The following DOK3 variants were observed in gnomAD, a reference collection of about 807,000 sequenced individuals.
DOK3 encodes docking protein 3.
A neutral mutation model predicts 26.2 loss-of-function variants in DOK3; 23 were observed. The observed-to-expected ratio is 0.88, with a 90% CI of 0.63 to 1.24. The LOEUF (loss-of-function observed/expected upper bound fraction) is 1.24, where lower values mean the gene tolerates loss of function less well. Among genes scored for constraint, DOK3 ranks in the 50% most tolerant of loss-of-function variants. DOK3 has a pLI of 0.00. For missense variants in DOK3, 619 were observed against 610.6 expected, an observed-to-expected ratio of 1.01 and a Z score of -0.15; for synonymous variants, 268 against 268.2, an observed-to-expected ratio of 1.00 and a Z score of 0.01.
At chr5:177,505,307 G>A (rs971328494) in intron 3 of DOK3, among the ~76,000 whole-genome samples, 197 bp from the exon 4 acceptor site, 40 of 152,176 alleles carry the variant, frequency 2.6e-4, no homozygotes, top group African/African-American at 9.4e-4. Context: ...TGAGAGTGCT[G>A]GGCTGGGCAA....
chr5:177,510,319 C>T (rs563848269), upstream of DOK3: 7 of 193,146 alleles, frequency 3.6e-5, no homozygotes, highest in South Asian at 9.6e-5. Flanking sequence ...CTTGACCACT[C>T]CACGCTGTCC....
At chr5:177,510,880 G>C (rs1382827457), upstream of DOK3, 1 of 141,520 alleles carries the variant, frequency 7.1e-6, no homozygotes, top group African/African-American at 2.7e-5. Context: ...AAAGTGCCTG[G>C]CTCAGAGGAA....
chr5:177,503,667 G>T lies in DOK3; in HGVS notation c.*316C>A. ...TGCAGTGGGTTTGAGCCCACGGGTG[G>T]CAGGTAAGGCCCAGGTCACCTGTGC... On this transcript the variant is annotated 3_prime_UTR_variant, in exon 6 of 6. Transcript: ENST00000510898. 1 of 1,372,158 alleles carries T rather than the reference G, an allele frequency of 7.3e-7. No individual in the cohort carries two copies. 85.0% of individuals were successfully genotyped at this position (1,372,158 alleles called of 1,614,324 possible).
chr5:177,509,780 T>A lies in DOK3; in HGVS notation c.-140A>T. 6.2e-7 allele frequency: 1 copy of A among 1,612,258 alleles called. No individual in the cohort carries two copies. The highest frequency in any genetic ancestry group is 1.3e-5 in the African/African-American group (1 of 75,008). ...TACCTGGAGGGAGCCCCCGGCCACC[T>A]GAAGGCAGCCTTCTCACGCACCTGG... On this transcript the variant is annotated 5_prime_UTR_variant, in exon 1 of 6. Coordinates refer to ENST00000510898, the MANE Select transcript of DOK3 (RefSeq NM_001308236.3).
rs2127420942 is a variant in DOK3 at position 177,503,705 on chromosome 5, C to T, written c.*278G>A. On this transcript the variant is annotated 3_prime_UTR_variant, in exon 6 of 6. Transcript: ENST00000510898. The stretch of plus-strand genomic sequence containing the variant: ...AGGTCACCTGTGCCCCTGGAACCGG[C>T]ACAGGGTGCTTGTGTTGGCCGCAAT... 2 of 1,405,172 alleles carry T rather than the reference C, an allele frequency of 1.4e-6. No individual in the cohort carries two copies. The highest frequency in any genetic ancestry group is 9.2e-7 in the Non-Finnish European group (1 of 1,084,212). 87.0% of individuals were successfully genotyped at this position (1,405,172 alleles called of 1,614,324 possible).
At chr5:177,509,854 A>G, upstream of DOK3, 2 of 1,610,530 alleles carry the variant, frequency 1.2e-6, no homozygotes, top group Non-Finnish European at 1.7e-6. Context: ...CCGAGTCATG[A>G]GTTCCCGCCC....
At position 177,508,543 on chromosome 5, in the gene DOK3, C is replaced by T. The variant is rs917673005; in HGVS notation, c.67-1G>A. On this transcript the variant is annotated splice_acceptor_variant, in intron 2 of 5. Transcript: ENST00000510898. LOFTEE classifies it high-confidence loss of function. ...GAGCCCACACCTTCCGCCAGCACTT[C>T]TGCGGGAGGGGAGCGGGAGGGTGAA... The T allele has an allele frequency of 2.0e-6, 3 of 1,535,624 alleles. No individual in the cohort carries two copies. The African/African-American group carries it at 4.1e-5, about 21-fold the overall frequency.
rs1044245624 is a variant in DOK3, at chr5:177,503,662, G to T, written c.*321C>A. On this transcript the variant is annotated 3_prime_UTR_variant, in exon 6 of 6. Coordinates refer to ENST00000510898, the MANE Select transcript of DOK3 (RefSeq NM_001308236.3). ...TCTGCTGCAGTGGGTTTGAGCCCAC[G>T]GGTGGCAGGTAAGGCCCAGGTCACC... 7.3e-7 allele frequency: 1 copy of T among 1,362,750 alleles called. No individual in the cohort carries two copies. Among genetic ancestry groups the T allele is most frequent in the Non-Finnish European group, 9.5e-7 (1 of 1,048,128 alleles). 84.4% of individuals were successfully genotyped at this position (1,362,750 alleles called of 1,614,324 possible). A position where few individuals can be genotyped will look rare whatever the true frequency, so the allele number is the denominator to read the frequency against.
rs1471026799 is a variant in DOK3, at chr5:177,504,840, AC to A, written c.547del (p.Val183CysfsTer9). 6.2e-7 allele frequency: 1 copy of A among 1,613,082 alleles called. No homozygotes were observed. Among genetic ancestry groups the A allele is most frequent in the Non-Finnish European group, 8.5e-7 (1 of 1,179,548 alleles). On this transcript the variant is annotated frameshift_variant, in exon 5 of 6. Transcript: ENST00000510898. LOFTEE classifies it high-confidence loss of function. Reference sequence around the variant, plus strand: ...CAGCTGGATGGCGTCTGGGCCCAGCACCAGCAGGGCCGGCCCCTTCAGCTGG... The same window carrying A: ...CAGCTGGATGGCGTCTGGGCCCAGCACAGCAGGGCCGGCCCCTTCAGCTGG... ...RCQLKGPALL[V>X]LGPDAIQLRE...
Position 177,508,608 on chromosome 5 carries a change from C to T in DOK3, c.67-66G>A. On this transcript the variant is annotated intron_variant, in intron 2 of 5. Coordinates refer to ENST00000510898, the MANE Select transcript of DOK3 (RefSeq NM_001308236.3). Reference sequence around the variant, plus strand: ...AGATTGTCCGTGCCACTTGGCTCAGCACAAGCTGCTCGGCAAACGCTCCCA... The same window carrying T: ...AGATTGTCCGTGCCACTTGGCTCAGTACAAGCTGCTCGGCAAACGCTCCCA... 4.2e-6 allele frequency: 6 copies of T among 1,429,590 alleles called. No individual in the cohort carries two copies. In the South Asian group the frequency reaches 5.8e-5, roughly 14 times the overall value. The allele number at this position is 1,429,590 out of a possible 1,614,324, so 88.6% of individuals were successfully genotyped here.
rs1322279038 is a variant in DOK3, at chr5:177,509,564, C to T, written c.-24G>A. On this transcript the variant is annotated 5_prime_UTR_variant, in exon 2 of 6. Transcript: ENST00000510898. ...ATGGTCACGGCCAGGAGCAGGGCCG[C>T]CGCTTCAAGACCTGGGGAGACTGAT... 1.2e-6 allele frequency: 2 copies of T among 1,609,776 alleles called. No homozygotes were observed. The highest frequency in any genetic ancestry group is 2.2e-5 in the South Asian group (2 of 90,506).
chr5:177,502,766 T>C lies in DOK3; in HGVS notation c.*1217A>G. On this transcript the variant is annotated 3_prime_UTR_variant, in exon 6 of 6. Transcript: ENST00000510898. ...ATTTCTCTGGCTGTGGGCAGCTGTGTGCAGGCACTGAGGAGGTCTGGGCTC... is the reference window on the plus strand; with the variant it reads ...ATTTCTCTGGCTGTGGGCAGCTGTGCGCAGGCACTGAGGAGGTCTGGGCTC... The C allele has an allele frequency of 2.2e-6, 1 of 452,534 alleles. No homozygotes were observed. The highest frequency in any genetic ancestry group is 4.0e-6 in the Non-Finnish European group (1 of 252,736). 28.0% of individuals were successfully genotyped at this position (452,534 alleles called of 1,614,324 possible). A position where few individuals can be genotyped will look rare whatever the true frequency, so the allele number is the denominator to read the frequency against.
Position 177,504,168 on chromosome 5 carries a change from G to C in DOK3, c.1138C>G (p.Gln380Glu), listed in dbSNP as rs2127421901. ...PTTSPIYHNG[Q>E]DLSWPGPAND... Reference sequence around the variant, plus strand: ...GCCGGGCCGGGCCAGCTCAAGTCCTGGCCGTTGTGGTAGATGGGACTGGTT... The same window carrying C: ...GCCGGGCCGGGCCAGCTCAAGTCCTCGCCGTTGTGGTAGATGGGACTGGTT... The change falls in exon 6 of 6, where the codon CAG (glutamine) becomes GAG (glutamate). Residue 380 changes from glutamine (Q) to glutamate (E), a missense_variant. Physicochemically the swap from Gln to Glu is conservative, Grantham distance 29 (BLOSUM62 2). Coordinates refer to ENST00000510898, the MANE Select transcript of DOK3 (RefSeq NM_001308236.3). The C allele has an allele frequency of 1.9e-6, 3 of 1,613,782 alleles. No homozygotes were observed. The East Asian group carries it at 6.7e-5, about 36-fold the overall frequency.
chr5:177,505,210 G>T (rs1196099637), intron 3 of DOK3, 100 bp from the exon 4 acceptor site: 5 of 1,108,690 alleles, frequency 4.5e-6, no homozygotes, highest in Non-Finnish European at 6.4e-6. Flanking sequence ...GGGCATCCAG[G>T]GGCCTGGGCT....
At chr5:177,505,360 G>A (rs1409504704) in intron 3 of DOK3, among the ~76,000 whole-genome samples, 1 of 152,122 alleles carries the variant, frequency 6.6e-6, no homozygotes, top group Non-Finnish European at 1.5e-5. Context: ...CAGATCACTG[G>A]GGACACAAAA....
intron 3 of DOK3, 52 bp from the exon 4 acceptor site, chr5:177,505,162 T>TC: frequency 6.8e-7 from 1 of 1,468,824 alleles, no homozygotes; most frequent in Non-Finnish European, 9.2e-7. Context: ...CCATGCCCTG[T>TC]CCCCTCCCCT....
At chr5:177,508,606 A>C (rs1760556851) in intron 2 of DOK3, 64 bp from the exon 3 acceptor site, 1 of 1,430,264 alleles carries the variant, frequency 7.0e-7, no homozygotes, top group South Asian at 1.5e-5. Flanking sequence ...CACTTGGCTC[A>C]GCACAAGCTG....
Position 177,508,478 on chromosome 5 carries a change from T to TC in DOK3, c.130dup (p.Glu44GlyfsTer15). ...GCCACCATCCCGGACCTCCCAGCTC[T>TC]CCAGCCGTGCCACGCCTGATGGGCC... On this transcript the variant is annotated frameshift_variant, in exon 3 of 6. Coordinates refer to ENST00000510898, the MANE Select transcript of DOK3 (RefSeq NM_001308236.3). LOFTEE classifies it high-confidence loss of function. 6.3e-7 allele frequency: 1 copy of TC among 1,589,460 alleles called. No individual in the cohort carries two copies. Among genetic ancestry groups the TC allele is most frequent in the Non-Finnish European group, 8.6e-7 (1 of 1,168,872 alleles).
chr5:177,505,068 G>T lies in DOK3; in HGVS notation c.415C>A (p.Pro139Thr). 3 of 1,612,344 alleles carry T rather than the reference G, an allele frequency of 1.9e-6. No individual in the cohort carries two copies. The Admixed American group carries it at 5.0e-5, about 27-fold the overall frequency. Reference protein sequence around the residue: ...ASSGSTDAQSPKRGLVPMEEN... With the variant: ...ASSGSTDAQSTKRGLVPMEEN... ...TCCATGGGGACCAGGCCCCTCTTGG[G>T]AGACTGGGCATCTGTGGATCCTGAG... The change falls in exon 4 of 6, where the codon CCC (proline) becomes ACC (threonine). Residue 139 changes from proline (P) to threonine (T), a missense_variant. By Grantham distance (38) the Pro-to-Thr change is conservative. Transcript: ENST00000510898.
Sources: gnomAD v4.1 joint callset for allele counts (sites outside exome capture counted in the v4.1 genomes callset) on GRCh38, gnomAD v4.1.1 for gene constraint, MANE v1.5 for transcripts, NCBI Gene and HGNC (gene_info 2026-07-23, HGNC 2026-07-21) for gene names.